ACSM2A: variants seen among roughly 807,000 people sequenced by gnomAD.
ACSM2A encodes the protein acyl-CoA synthetase medium chain family member 2A, also known as acyl-coenzyme A synthetase ACSM2A, mitochondrial.
In ACSM2A, 72 loss-of-function variants were observed where a neutral mutation model predicts 76.6. That is an observed-to-expected ratio of 0.94 (90% confidence interval 0.78 to 1.14). The LOEUF is 1.14. Among genes scored for constraint, ACSM2A ranks in the 50% most tolerant of loss-of-function variants. The pLI is 0.00. For missense variants in ACSM2A, 684 were observed against 708.5 expected (o/e 0.97, Z 0.39); for synonymous variants, 249 against 255.9 (o/e 0.97, Z 0.26).
intron 2 of ACSM2A, among the ~76,000 whole-genome samples, chr16:20,464,048 G>A (rs1359519075): frequency 1.3e-5 from 2 of 152,110 alleles, no homozygotes; most frequent in African/African-American, 4.8e-5. Context: ...CTAAAATATA[G>A]GAAGGAGGAC....
rs143856046 is a variant in ACSM2A, at chr16:20,469,786, C to T, written c.596+67C>T. Reference sequence around the variant, plus strand: ...GGAAACAGAGCCAAGCACTTAGGTGCAGGTGCTTTATTGAGGAGGTGCAGA... The same window carrying T: ...GGAAACAGAGCCAAGCACTTAGGTGTAGGTGCTTTATTGAGGAGGTGCAGA... On this transcript the variant is annotated intron_variant, in intron 4 of 13. Coordinates refer to ENST00000573854, the MANE Select transcript of ACSM2A (RefSeq NM_001308172.2). 1,473 of 1,598,610 alleles carry T rather than the reference C, an allele frequency of 9.2e-4. 9 individuals are homozygous for T. The African/African-American group carries it at 0.018, about 19-fold the overall frequency.
chr16:20,483,722 C>CA (rs2014244514), intron 13 of ACSM2A, among the ~76,000 whole-genome samples: 1 of 151,984 alleles, frequency 6.6e-6, no homozygotes, highest in Admixed American at 6.6e-5. Flanking sequence ...AAGTTCTAGC[C>CA]AGTATCTTAC....
At chr16:20,456,668 T>C (rs527288085) in intron 1 of ACSM2A, among the ~76,000 whole-genome samples, 2 of 146,506 alleles carry the variant, frequency 1.4e-5, no homozygotes, top group East Asian at 4.3e-4. Context: ...AAGAGGTAAG[T>C]TCATAGCCTT....
chr16:20,461,866 A>G (rs184765163), intron 2 of ACSM2A, among the ~76,000 whole-genome samples: 3 of 152,290 alleles, frequency 2.0e-5, no homozygotes, highest in Admixed American at 6.5e-5. Context: ...ATATTTCTCA[A>G]ATCTGCCCCC....
intron 8 of ACSM2A, chr16:20,476,627 T>C (rs1193542197): frequency 1.4e-5 from 14 of 985,786 alleles, no homozygotes; most frequent in Non-Finnish European, 1.7e-5. Flanking sequence ...CAGGTTCCCA[T>C]GATCTTAATC....
rs759956173 is a variant in ACSM2A at position 20,483,163 on chromosome 16, A to C, written c.1615A>C (p.Lys539Gln). The change falls in exon 13 of 14, where the codon AAG (lysine) becomes CAG (glutamine). Residue 539 changes from lysine (K) to glutamine (Q), a missense_variant. This residue lies in a region of ACSM2A where 159 missense variants were observed against 132.5 expected (regional missense o/e 1.20). Coordinates refer to ENST00000573854, the MANE Select transcript of ACSM2A (RefSeq NM_001308172.2). ...QHVKSVTAPY[K>Q]YPRKIEFVLN... ...TGTGAAGTCAGTGACAGCCCCATAC[A>C]AGTACCCAAGAAAGGTAAGGCCTTT... is the stretch of plus-strand genomic sequence containing the variant. 2.6e-5 allele frequency: 42 copies of C among 1,613,784 alleles called. No homozygotes were observed.
At chr16:20,466,588 C>T (rs2013010923) in intron 3 of ACSM2A, among the ~76,000 whole-genome samples, 1 of 152,234 alleles carries the variant, frequency 6.6e-6, no homozygotes, top group South Asian at 2.1e-4. Flanking sequence ...GATGCTTTGG[C>T]TTCCAAGGGG....
intron 2 of ACSM2A, among the ~76,000 whole-genome samples, chr16:20,462,370 G>C (rs943223039): frequency 9.2e-5 from 14 of 152,170 alleles, no homozygotes; most frequent in African/African-American, 3.4e-4. Context: ...GTTTCAGGAA[G>C]AGACTGTTGT....
At chr16:20,465,480 C>T in intron 2 of ACSM2A, 37 bp from the exon 3 acceptor site, 6 of 1,609,088 alleles carry the variant, frequency 3.7e-6, no homozygotes, top group Non-Finnish European at 5.1e-6. Flanking sequence ...GCTTGTGTAC[C>T]AATGCCCCCT....
intron 10 of ACSM2A, among the ~76,000 whole-genome samples, chr16:20,480,055 C>G (rs1369430234): frequency 1.3e-5 from 2 of 152,210 alleles, no homozygotes; most frequent in Non-Finnish European, 2.9e-5. Flanking sequence ...GGATAAACCT[C>G]AAGCCTTTTC....
At chr16:20,470,952 T>C (rs2013353740) in intron 4 of ACSM2A, 121 bp from the exon 5 acceptor site, 2 of 1,281,388 alleles carry the variant, frequency 1.6e-6, no homozygotes, top group Admixed American at 1.9e-5. Flanking sequence ...GCAGCCTCTC[T>C]TGTGAGGTGG....
chr16:20,459,646 A>G lies in ACSM2A; in HGVS notation c.-8-461A>G, dbSNP rs550894544. Among the ~76,000 whole-genome samples the G allele has an allele frequency of 2.0e-5, 3 of 152,308 alleles. No individual in the cohort carries two copies. The South Asian group carries it at 6.2e-4, about 32-fold the overall frequency. On this transcript the variant is annotated intron_variant, in intron 1 of 13. Transcript: ENST00000573854. The stretch of plus-strand genomic sequence containing the variant: ...GAACCGTAGAATCCCAGACACTCAC[A>G]TCTCGTTGACCAAAGCATATCTCAT...
Position 20,486,996 on chromosome 16 carries a change from G to A in ACSM2A, c.*318G>A, listed in dbSNP as rs1342991850. ...AGAAGGAGAGAGGAAGCAAGGGAAGGAGGAAGAAAGGAAAGAGGAGATGAA... is the reference window on the plus strand; with the variant it reads ...AGAAGGAGAGAGGAAGCAAGGGAAGAAGGAAGAAAGGAAAGAGGAGATGAA... On this transcript the variant is annotated 3_prime_UTR_variant, in exon 14 of 14. Transcript: ENST00000573854. The A allele has an allele frequency of 1.4e-5, 3 of 215,858 alleles. No homozygotes were observed. The East Asian group carries it at 3.0e-4, about 21-fold the overall frequency. 13.4% of individuals were successfully genotyped at this position (215,858 alleles called of 1,614,324 possible). A position where few individuals can be genotyped will look rare whatever the true frequency, so the allele number is the denominator to read the frequency against.
chr16:20,483,014 TAC>T (rs771673831), intron 12 of ACSM2A, 42 bp from the exon 13 acceptor site: 1 of 1,607,974 alleles, frequency 6.2e-7, no homozygotes, highest in South Asian at 1.1e-5. Context: ...AGGAGATGAC[TAC>T]ACACTCTAAT....
intron 6 of ACSM2A, chr16:20,474,012 A>G (rs1377911411): frequency 8.9e-6 from 4 of 447,330 alleles, no homozygotes; most frequent in Non-Finnish European, 1.8e-5. Flanking sequence ...TCTACCTATA[A>G]GCTGGAAGCC....
rs868086899 is a variant in ACSM2A, at chr16:20,480,842, A to C, written c.1430A>C (p.Glu477Ala). 5 of 1,613,898 alleles carry C rather than the reference A, an allele frequency of 3.1e-6. No individual in the cohort carries two copies. Among genetic ancestry groups the C allele is most frequent in the Non-Finnish European group, 4.2e-6 (5 of 1,179,862 alleles). Residue 477 changes from glutamate to alanine, a missense_variant, in exon 12 of 14, where the codon GAG becomes GCG. By Grantham distance (107) the Glu-to-Ala change is moderately radical (BLOSUM62 -1). Coordinates refer to ENST00000573854, the MANE Select transcript of ACSM2A (RefSeq NM_001308172.2). Reference protein sequence around the residue: ...NSSGYRIGPSEVENALMEHPA... With the variant: ...NSSGYRIGPSAVENALMEHPA... ...TGCAGGTACCGGATTGGACCCTCGG[A>C]GGTAGAGAATGCACTGATGGAGCAC...
At chr16:20,475,479 C>T (rs1225253011) in intron 7 of ACSM2A, 38 bp downstream of exon 7, 1 of 1,611,760 alleles carries the variant, frequency 6.2e-7, no homozygotes, top group Non-Finnish European at 8.5e-7. Context: ...GAGTCTGGCC[C>T]CATCCCCCTG....
At chr16:20,480,353 G>C (rs1254080745) in intron 10 of ACSM2A, among the ~76,000 whole-genome samples, 1 of 152,232 alleles carries the variant, frequency 6.6e-6, no homozygotes, top group Non-Finnish European at 1.5e-5. Flanking sequence ...ACCTAGAGGA[G>C]TAGCTGAGAG....
chr16:20,458,916 A>ATATATT (rs1555497746), intron 1 of ACSM2A, among the ~76,000 whole-genome samples: 2 of 59,162 alleles, frequency 3.4e-5, no homozygotes, highest in Non-Finnish European at 6.0e-5. Context: ...ATATATATAT[A>ATATATT]TATATATATA....
Sources: gnomAD v4.1 joint callset for allele counts (sites outside exome capture counted in the v4.1 genomes callset) on GRCh38, gnomAD v4.1.1 for gene constraint, gnomAD v4.1.1 regional missense constraint, MANE v1.5 for transcripts, NCBI Gene and HGNC (gene_info 2026-07-23, HGNC 2026-07-21) for gene names.